Variants in CLEC5A observed in about 807,000 individuals in gnomAD.
The protein encoded by CLEC5A is C-type lectin domain family 5 member A.
A neutral mutation model predicts 24.4 loss-of-function variants in CLEC5A; 15 were observed. The ratio of observed to expected loss-of-function variants is 0.62; its 90% CI spans 0.41 to 0.95. The LOEUF (loss-of-function observed/expected upper bound fraction) is 0.95, where lower values mean the gene tolerates loss of function less well. Among genes scored for constraint, CLEC5A ranks in the 40% least tolerant of loss-of-function variants. CLEC5A has a pLI of 0.00. For missense variants in CLEC5A, 211 were observed against 224.0 expected, an observed-to-expected ratio of 0.94 and a Z score of 0.37; for synonymous variants, 71 against 72.6, an observed-to-expected ratio of 0.98 and a Z score of 0.11.
intron 4 of CLEC5A, among the ~76,000 whole-genome samples, chr7:141,938,280 C>G (rs182662749): frequency 8.6e-5 from 13 of 152,006 alleles, no homozygotes; most frequent in Admixed American, 3.3e-4. Context: ...CAAGATAACA[C>G]AGAAAAGAAA....
At position 141,927,364 on chromosome 7, in the gene CLEC5A, A is replaced by T. The variant is rs1802327440; in HGVS notation, c.*2740T>A. On this transcript the variant is annotated 3_prime_UTR_variant, in exon 7 of 7. Coordinates refer to ENST00000546910, the MANE Select transcript of CLEC5A (RefSeq NM_013252.3). ...CATCACAGGGGGCTGAAGAAGAGTG[A>T]CAGAATCTGTTTAATGTTTTAACAA... 1.3e-5 allele frequency: 2 copies of T among 152,338 alleles called. No homozygotes were observed. The highest frequency in any genetic ancestry group is 4.1e-4 in the South Asian group (2 of 4,828). The allele number at this position is 152,338 out of a possible 1,614,324, so 9.4% of individuals were successfully genotyped here.
chr7:141,946,165 T>C (rs782126533), intron 2 of CLEC5A, 49 bp downstream of exon 2: 19 of 1,533,866 alleles, frequency 1.2e-5, no homozygotes, highest in Non-Finnish European at 1.4e-5. Flanking sequence ...GAAGAGTCAA[T>C]GAGCAAGACA....
chr7:141,938,880 G>C (rs1259025994), intron 4 of CLEC5A, among the ~76,000 whole-genome samples: 1 of 151,912 alleles, frequency 6.6e-6, no homozygotes, highest in Non-Finnish European at 1.5e-5. Context: ...AGTTGCTGAA[G>C]CAAAAAACCC....
At position 141,931,453 on chromosome 7, in the gene CLEC5A, A is replaced by G. The variant is rs187953768; in HGVS notation, c.452+267T>C. ...CTACAAGATACATCAAATGAATGCT[A>G]TGTAGGTGGATTTGTTTGGATCTTG... is the stretch of plus-strand genomic sequence containing the variant. On this transcript the variant is annotated intron_variant, in intron 6 of 6. Transcript: ENST00000546910. 8 of 509,094 alleles carry G rather than the reference A, an allele frequency of 1.6e-5. No individual in the cohort carries two copies. In the East Asian group the frequency reaches 1.9e-4, roughly 12 times the overall value. The allele number at this position is 509,094 out of a possible 1,614,324, so 31.5% of individuals were successfully genotyped here. A position where few individuals can be genotyped will look rare whatever the true frequency, so the allele number is the denominator to read the frequency against.
At position 141,942,787 on chromosome 7, in the gene CLEC5A, C is replaced by T. The variant is rs112466844; in HGVS notation, c.208+1109G>A. On this transcript the variant is annotated intron_variant, in intron 4 of 6. Transcript: ENST00000546910. ...CAAAAGATCTGAATAGACATTTCTCCAAAGAAGTTGTACAAATGGCAAATA... is the reference window on the plus strand; with the variant it reads ...CAAAAGATCTGAATAGACATTTCTCTAAAGAAGTTGTACAAATGGCAAATA... Among the ~76,000 whole-genome samples the T allele has an allele frequency of 4.3e-3, 658 of 152,062 alleles. 5 individuals are homozygous for T. The highest frequency in any genetic ancestry group is 0.015 in the African/African-American group (632 of 41,494).
At chr7:141,946,180 G>A (rs1254795572) in intron 2 of CLEC5A, 34 bp downstream of exon 2, 11 of 1,547,874 alleles carry the variant, frequency 7.1e-6, no homozygotes, top group Non-Finnish European at 9.6e-6. Flanking sequence ...AAGACAACAT[G>A]AAGTCTGGGG....
At chr7:141,936,372 G>A in intron 4 of CLEC5A, 1 of 249,674 alleles carries the variant, frequency 4.0e-6, no homozygotes, top group Non-Finnish European at 7.8e-6. Flanking sequence ...AGCATGGCAT[G>A]GTAAAGTGTA....
At chr7:141,943,286 T>C (rs974479437) in intron 4 of CLEC5A, among the ~76,000 whole-genome samples, 20 of 152,320 alleles carry the variant, frequency 1.3e-4, no homozygotes, top group African/African-American at 4.8e-4. Context: ...TGAATGGAAC[T>C]GGAGGTCATT....
chr7:141,943,655 C>A (rs782014321), intron 4 of CLEC5A, among the ~76,000 whole-genome samples: 2 of 151,978 alleles, frequency 1.3e-5, no homozygotes, highest in Non-Finnish European at 2.9e-5. Flanking sequence ...ATAATTATTA[C>A]ATATTGCATG....
chr7:141,939,368 TA>T (rs1554441419), intron 4 of CLEC5A, among the ~76,000 whole-genome samples: 1 of 152,104 alleles, frequency 6.6e-6, no homozygotes, highest in Non-Finnish European at 1.5e-5. Flanking sequence ...CAGCTTACAA[TA>T]ATGGGCTATA....
At chr7:141,933,791 C>T (rs1802538719) in intron 5 of CLEC5A, among the ~76,000 whole-genome samples, 1 of 151,890 alleles carries the variant, frequency 6.6e-6, no homozygotes, top group Non-Finnish European at 1.5e-5. Context: ...GGCTGTCCAT[C>T]TTGCAGACTG....
chr7:141,946,462 G>A (rs185909409), intron 1 of CLEC5A, 150 bp from the exon 2 acceptor site: 159 of 658,000 alleles, frequency 2.4e-4, no homozygotes, highest in Non-Finnish European at 3.3e-4. Context: ...GTGACCCAGC[G>A]TGGGCCGCGA....
intron 4 of CLEC5A, among the ~76,000 whole-genome samples, chr7:141,939,733 G>A (rs1554441456): frequency 6.6e-6 from 1 of 151,874 alleles, no homozygotes; most frequent in East Asian, 1.9e-4. Context: ...AAAATGAAGG[G>A]ATAAAAAGAG....
chr7:141,935,951 C>T lies in CLEC5A; in HGVS notation c.209-1G>A, dbSNP rs1563074847. On this transcript the variant is annotated splice_acceptor_variant, in intron 4 of 6. Coordinates refer to ENST00000546910, the MANE Select transcript of CLEC5A (RefSeq NM_013252.3). LOFTEE classifies it high-confidence loss of function. ...TAAAATTCCCAGTCTTTGGGGCAGACTGAAGAGGTCCAAGAAAGGAGAGTA... is the reference window on the plus strand; with the variant it reads ...TAAAATTCCCAGTCTTTGGGGCAGATTGAAGAGGTCCAAGAAAGGAGAGTA... 3 of 1,612,872 alleles carry T rather than the reference C, an allele frequency of 1.9e-6. No homozygotes were observed. The highest frequency in any genetic ancestry group is 2.5e-6 in the Non-Finnish European group (3 of 1,178,916).
chr7:141,934,621 T>TTTTTTG (rs1554440834), intron 5 of CLEC5A, among the ~76,000 whole-genome samples: 4 of 121,450 alleles, frequency 3.3e-5, no homozygotes, highest in East Asian at 2.4e-4. Flanking sequence ...ACGTTTTTTT[T>TTTTTTG]TTTTTTTTTT....
At chr7:141,944,383 G>T (rs1177425425) in intron 3 of CLEC5A, among the ~76,000 whole-genome samples, 14 of 152,194 alleles carry the variant, frequency 9.2e-5, no homozygotes, top group African/African-American at 2.9e-4. Flanking sequence ...TCTACTTCTG[G>T]TGTCCCAGAT....
chr7:141,936,631 C>T (rs758759491), intron 4 of CLEC5A, among the ~76,000 whole-genome samples: 3 of 152,112 alleles, frequency 2.0e-5, no homozygotes, highest in Non-Finnish European at 4.4e-5. Flanking sequence ...GTCTAGGCCA[C>T]AAGGACTGCA....
chr7:141,934,949 G>A (rs189649935), intron 5 of CLEC5A, among the ~76,000 whole-genome samples: 9 of 152,180 alleles, frequency 5.9e-5, no homozygotes, highest in Admixed American at 6.5e-5. Context: ...GCTTCTTCCC[G>A]TTGCCTTCCC....
At position 141,929,879 on chromosome 7, in the gene CLEC5A, C is replaced by T. The variant is rs1231620723; in HGVS notation, c.*225G>A. ...TCAGAAATGCTCAGTACTACAGAAGCGGACCTCATCTCTATACTAACTGAG... is the reference window on the plus strand; with the variant it reads ...TCAGAAATGCTCAGTACTACAGAAGTGGACCTCATCTCTATACTAACTGAG... On this transcript the variant is annotated 3_prime_UTR_variant, in exon 7 of 7. Coordinates refer to ENST00000546910, the MANE Select transcript of CLEC5A (RefSeq NM_013252.3). 6 of 499,590 alleles carry T rather than the reference C, an allele frequency of 1.2e-5. No homozygotes were observed. Among genetic ancestry groups the T allele is most frequent in the South Asian group, 7.1e-5 (3 of 42,060 alleles). The allele number at this position is 499,590 out of a possible 1,614,324, so 30.9% of individuals were successfully genotyped here.
Sources: allele counts gnomAD v4.1 joint callset (sites outside exome capture counted in the v4.1 genomes callset), GRCh38; gene constraint gnomAD v4.1.1; transcripts MANE v1.5; gene names NCBI Gene and HGNC (gene_info 2026-07-23, HGNC 2026-07-21).